Variants in AKAP13 observed in about 807,000 individuals in gnomAD.
AKAP13 encodes the protein A-kinase anchoring protein 13, also known as A-kinase anchor protein 13.
A neutral mutation model predicts 264.5 loss-of-function variants in AKAP13; 80 were observed. That is an observed-to-expected ratio of 0.30 (90% CI 0.25 to 0.36). The LOEUF (loss-of-function observed/expected upper bound fraction) is 0.36, where lower values mean the gene tolerates loss of function less well. Ranked by LOEUF, AKAP13 falls within the 10% of genes least tolerant of loss-of-function variation. The pLI is 1.00. For missense variants in AKAP13, 3,712 were observed against 3,435.2 expected (o/e 1.08, Z -2.01); for synonymous variants, 1,380 against 1,250.2 (o/e 1.10, Z -2.19).
At chr15:85,694,992 T>C (rs2085489188) in intron 17 of AKAP13, among the ~76,000 whole-genome samples, 2 of 152,026 alleles carry the variant, frequency 1.3e-5, no homozygotes, top group Non-Finnish European at 2.9e-5. Context: ...AGGGTCTCAC[T>C]AGTTGCCCAG....
chr15:85,382,943 T>C (rs188428855), intron 1 of AKAP13, among the ~76,000 whole-genome samples: 58 of 152,350 alleles, frequency 3.8e-4, no homozygotes, highest in Non-Finnish European at 6.8e-4. Flanking sequence ...TTTAAAAGGA[T>C]TTCTAACCTT....
At chr15:85,475,968 A>G (rs1321423407) in intron 1 of AKAP13, among the ~76,000 whole-genome samples, 1 of 152,186 alleles carries the variant, frequency 6.6e-6, no homozygotes, top group Admixed American at 6.5e-5. Context: ...GACATCTGCA[A>G]TGCAGTAGAC....
At chr15:85,738,133 C>G (rs1341332302) in intron 33 of AKAP13, among the ~76,000 whole-genome samples, 2 of 152,122 alleles carry the variant, frequency 1.3e-5, no homozygotes, top group African/African-American at 2.4e-5. Context: ...CTCGGTGGCT[C>G]ACGCCTGTAA....
rs773654425 is a variant in AKAP13 at position 85,639,391 on chromosome 15, G to T, written c.4179G>T (p.Trp1393Cys). 1.9e-6 allele frequency: 3 copies of T among 1,611,428 alleles called. No individual in the cohort carries two copies. The highest frequency in any genetic ancestry group is 2.5e-6 in the Non-Finnish European group (3 of 1,179,078). Reference sequence around the variant, plus strand: ...TCTTTCAGATAAACCGAGAAAACTGGTGTACAATAGAGCCATGCCCTGATG... The same window carrying T: ...TCTTTCAGATAAACCGAGAAAACTGTTGTACAATAGAGCCATGCCCTGATG... The part of the protein sequence containing the change: ...PMTQAINREN[W>C]CTIEPCPDAA... The change falls in exon 9 of 37, where the codon TGG becomes TGT. Residue 1393 changes from tryptophan (W) to cysteine (C), a missense_variant. Coordinates refer to ENST00000394518, the MANE Select transcript of AKAP13 (RefSeq NM_007200.5).
chr15:85,731,083 C>G (rs2087980959), intron 30 of AKAP13, among the ~76,000 whole-genome samples: 1 of 139,772 alleles, frequency 7.2e-6, no homozygotes, highest in African/African-American at 2.7e-5. Context: ...CGGCTCACTG[C>G]AACCTCCCCC....
At chr15:85,403,990 A>G (rs1171410374) in intron 1 of AKAP13, among the ~76,000 whole-genome samples, 1 of 152,192 alleles carries the variant, frequency 6.6e-6, no homozygotes, top group Non-Finnish European at 1.5e-5. Context: ...TTGCTGCCCC[A>G]GAGAGTTGCC....
intron 4 of AKAP13, chr15:85,535,539 T>C: frequency 6.6e-6 from 1 of 152,228 alleles, no homozygotes; most frequent in East Asian, 1.9e-4. Flanking sequence ...TATATAAACC[T>C]GGTGATGGGC....
chr15:85,483,165 C>T lies in AKAP13; in HGVS notation c.-11-2545C>T, dbSNP rs1013726876. Among the ~76,000 whole-genome samples the T allele has an allele frequency of 9.2e-5, 14 of 152,200 alleles. 1 individual carries two copies. The highest frequency in any genetic ancestry group is 7.2e-4 in the Admixed American group (11 of 15,290). On this transcript the variant is annotated intron_variant, in intron 1 of 36. Coordinates refer to ENST00000394518, the MANE Select transcript of AKAP13 (RefSeq NM_007200.5). ...GTTAAATTGATGTTTGTGGTCTTTACACATAGTCATCCGAAGTTTCTTGCA... is the reference window on the plus strand; with the variant it reads ...GTTAAATTGATGTTTGTGGTCTTTATACATAGTCATCCGAAGTTTCTTGCA...
intron 17 of AKAP13, among the ~76,000 whole-genome samples, chr15:85,699,953 T>C (rs2085814264): frequency 1.3e-5 from 2 of 152,200 alleles, no homozygotes; most frequent in Non-Finnish European, 2.9e-5. Flanking sequence ...TAGAGGACAA[T>C]AGATTTAAGA....
At chr15:85,492,252 C>T (rs181928358) in intron 2 of AKAP13, among the ~76,000 whole-genome samples, 112 of 152,302 alleles carry the variant, frequency 7.4e-4, no homozygotes, top group South Asian at 1.4e-3. Context: ...CACAGTGGCT[C>T]ATGCCTGTAA....
intron 23 of AKAP13, among the ~76,000 whole-genome samples, chr15:85,720,177 C>T (rs755110937): frequency 4.6e-5 from 7 of 151,628 alleles, no homozygotes; most frequent in Non-Finnish European, 1.0e-4. Flanking sequence ...AAAGTTGCAG[C>T]GAGCCATGGT....
chr15:85,692,201 A>G (rs1390901581), intron 16 of AKAP13, among the ~76,000 whole-genome samples: 2 of 152,160 alleles, frequency 1.3e-5, no homozygotes, highest in African/African-American at 4.8e-5. Flanking sequence ...CCTTACTGCA[A>G]GCAATACCTT....
chr15:85,649,869 A>G (rs1458045726), intron 10 of AKAP13, among the ~76,000 whole-genome samples: 2 of 152,198 alleles, frequency 1.3e-5, no homozygotes, highest in Admixed American at 6.5e-5. Flanking sequence ...CCACTCTACT[A>G]TCCAAAAGGA....
At chr15:85,388,816 T>C (rs751088901) in intron 1 of AKAP13, among the ~76,000 whole-genome samples, 1 of 152,220 alleles carries the variant, frequency 6.6e-6, no homozygotes, top group Non-Finnish European at 1.5e-5. Flanking sequence ...ATGTATAATA[T>C]TCATGATAGT....
intron 9 of AKAP13, among the ~76,000 whole-genome samples, chr15:85,641,218 G>A (rs1463440272): frequency 5.3e-5 from 8 of 151,714 alleles, no homozygotes; most frequent in Non-Finnish European, 1.0e-4. Context: ...AGGCCGAGGC[G>A]GGCAGATCAC....
intron 1 of AKAP13, among the ~76,000 whole-genome samples, chr15:85,382,949 A>T (rs1398791006): frequency 2.6e-5 from 4 of 152,004 alleles, no homozygotes; most frequent in Non-Finnish European, 4.4e-5. Flanking sequence ...AGGATTTCTA[A>T]CCTTTTTTTA....
In AKAP13 at chr15:85,718,954, T is replaced by A; in HGVS notation, c.6002-122T>A. 7.3e-7 allele frequency: 1 copy of A among 1,375,140 alleles called. No individual in the cohort carries two copies. The highest frequency in any genetic ancestry group is 9.8e-7 in the Non-Finnish European group (1 of 1,016,082). The allele number at this position is 1,375,140 out of a possible 1,614,324, so 85.2% of individuals were successfully genotyped here. A position where few individuals can be genotyped will look rare whatever the true frequency, so the allele number is the denominator to read the frequency against. Reference sequence around the variant, plus strand: ...AACACTTTTAGGGGAAAGATAGCTGTTGACCCAATTTTAAGGTTCAAATTG... The same window carrying A: ...AACACTTTTAGGGGAAAGATAGCTGATGACCCAATTTTAAGGTTCAAATTG... On this transcript the variant is annotated intron_variant, in intron 22 of 36. Transcript: ENST00000394518. The surrounding 1 kb of genome is among the most constrained non-coding windows in gnomAD (Gnocchi z 4.9).
rs577923541 is a variant in AKAP13, at chr15:85,495,756, A to T, written c.33+10003A>T. Among the ~76,000 whole-genome samples, 13 of 152,040 alleles carry T rather than the reference A, an allele frequency of 8.6e-5. No individual in the cohort carries two copies. In the Middle Eastern group the frequency reaches 0.014, roughly 159 times the overall value. On this transcript the variant is annotated intron_variant, in intron 2 of 36. Coordinates refer to ENST00000394518, the MANE Select transcript of AKAP13 (RefSeq NM_007200.5). ...TCCAATTATAAAACAAATTTCCAGAACCCCAACAGATCTGGTTGATTATGT... is the reference window on the plus strand; with the variant it reads ...TCCAATTATAAAACAAATTTCCAGATCCCCAACAGATCTGGTTGATTATGT...
chr15:85,492,746 T>C (rs1268337019), intron 2 of AKAP13, among the ~76,000 whole-genome samples: 1 of 152,222 alleles, frequency 6.6e-6, no homozygotes, highest in East Asian at 1.9e-4. Context: ...TTAAACACAT[T>C]ATATCTCTTT....
Sources: allele counts gnomAD v4.1 joint callset (sites outside exome capture counted in the v4.1 genomes callset), GRCh38; gene constraint gnomAD v4.1.1; non-coding constraint Gnocchi (gnomAD v3.1); transcripts MANE v1.5; gene names NCBI Gene and HGNC (gene_info 2026-07-23, HGNC 2026-07-21).